The following VPS54 variants were observed in gnomAD, a reference collection of about 807,000 sequenced individuals.
VPS54 encodes the protein vacuolar protein sorting-associated protein 54.
Under a neutral mutation model 121.5 loss-of-function variants are expected in VPS54, and 45 were observed. That is an observed-to-expected ratio of 0.37 (90% CI 0.29 to 0.47). The LOEUF is 0.47. Among genes scored for constraint, VPS54 ranks in the 20% least tolerant of loss-of-function variants. The pLI is 0.99. For synonymous variants in VPS54, 371 were observed against 385.8 expected (o/e 0.96, Z 0.45); for missense variants, 1,090 against 1,131.4 (o/e 0.96, Z 0.52).
chr2:63,947,352 C>A, intron 9 of VPS54, 31 bp downstream of exon 9: 1 of 1,500,146 alleles, frequency 6.7e-7, no homozygotes, highest in African/African-American at 1.4e-5. Context: ...GGTTCCAGAC[C>A]AAAATATGTC....
chr2:63,933,699 A>G lies in VPS54; in HGVS notation c.1713T>C (p.Ser571=). Reference sequence around the variant, plus strand: ...TAATATCCACACCTCCTGGAATAGCAGATGATGATGTGTGCTCTTTGCTGG... The same window carrying G: ...TAATATCCACACCTCCTGGAATAGCGGATGATGATGTGTGCTCTTTGCTGG... ...SSSSKEHTSS[S]AIPGGVDIMV... is the part of the protein sequence containing the mutation. Residue 571 remains serine (S), a synonymous_variant, in exon 12 of 23, where the codon TCT becomes TCC. Coordinates refer to ENST00000272322, the MANE Select transcript of VPS54 (RefSeq NM_016516.3). 6.2e-7 allele frequency: 1 copy of G among 1,613,276 alleles called. No individual in the cohort carries two copies. Among genetic ancestry groups the G allele is most frequent in the East Asian group, 2.2e-5 (1 of 44,878 alleles).
chr2:63,955,075 TTA>T (rs1675431903), intron 7 of VPS54, among the ~76,000 whole-genome samples: 2 of 152,040 alleles, frequency 1.3e-5, no homozygotes, highest in Non-Finnish European at 2.9e-5. Context: ...TAAAAAATCC[TTA>T]TCTTTCAAAG....
chr2:63,976,775 A>C (rs1490637986), intron 3 of VPS54, among the ~76,000 whole-genome samples: 1 of 151,408 alleles, frequency 6.6e-6, no homozygotes, highest in Admixed American at 6.6e-5. Flanking sequence ...CTGCAGGATC[A>C]GTAGAAACAG....
intron 12 of VPS54, among the ~76,000 whole-genome samples, chr2:63,931,573 AC>A (rs1431286168): frequency 6.6e-6 from 1 of 152,244 alleles, no homozygotes; most frequent in Non-Finnish European, 1.5e-5. Flanking sequence ...CCTGGGCAAT[AC>A]CATTCAGGAC....
intron 7 of VPS54, among the ~76,000 whole-genome samples, chr2:63,953,784 T>A (rs185961396): frequency 2.6e-5 from 4 of 152,324 alleles, no homozygotes; most frequent in African/African-American, 9.6e-5. Context: ...ACTGAGGTCA[T>A]ACTGATACTT....
intron 22 of VPS54, among the ~76,000 whole-genome samples, chr2:63,895,243 G>A (rs1358245302): frequency 6.6e-6 from 1 of 152,056 alleles, no homozygotes; most frequent in Non-Finnish European, 1.5e-5. Flanking sequence ...ATCACCTGAG[G>A]TCAGGAGTTT....
Position 63,892,902 on chromosome 2 carries a change from CCAAG to C in VPS54, c.*524_*527del, listed in dbSNP as rs1463182748. On this transcript the variant is annotated 3_prime_UTR_variant, in exon 23 of 23. Coordinates refer to ENST00000272322, the MANE Select transcript of VPS54 (RefSeq NM_016516.3). ...TGAAACAAAAATTGAATTCCTAAAT[CCAAG>C]CAATCAAAAGATGTTTATTTTTTAT... 7.8e-5 allele frequency: 12 copies of C among 153,246 alleles called. No individual in the cohort carries two copies. The highest frequency in any genetic ancestry group is 2.9e-4 in the African/African-American group (12 of 41,350). 9.5% of individuals were successfully genotyped at this position (153,246 alleles called of 1,614,324 possible). A position where few individuals can be genotyped will look rare whatever the true frequency, so the allele number is the denominator to read the frequency against.
chr2:63,994,576 A>G (rs537851635), intron 1 of VPS54, among the ~76,000 whole-genome samples: 63 of 152,206 alleles, frequency 4.1e-4, no homozygotes, highest in Non-Finnish European at 8.4e-4. Flanking sequence ...TGCCTCGGAC[A>G]TGCACCTGGT....
At chr2:63,966,197 TG>T (rs1559026852) in intron 5 of VPS54, among the ~76,000 whole-genome samples, 1 of 152,170 alleles carries the variant, frequency 6.6e-6, no homozygotes, top group Non-Finnish European at 1.5e-5. Flanking sequence ...CCTTTACCAA[TG>T]GAGATGGTCA....
At chr2:64,013,033 A>G (rs890327801) in intron 1 of VPS54, among the ~76,000 whole-genome samples, 2 of 152,270 alleles carry the variant, frequency 1.3e-5, no homozygotes, top group African/African-American at 2.4e-5. Context: ...AGCAAGGATC[A>G]TTAATGGGTA....
chr2:63,942,014 A>AC (rs1227991554), intron 11 of VPS54, among the ~76,000 whole-genome samples: 1 of 148,944 alleles, frequency 6.7e-6, no homozygotes, highest in South Asian at 2.1e-4. Flanking sequence ...AGCCTGGGTA[A>AC]CAGCAAGACT....
intron 1 of VPS54, among the ~76,000 whole-genome samples, chr2:64,003,756 G>C (rs879735320): frequency 1.1e-4 from 16 of 152,064 alleles, no homozygotes; most frequent in Admixed American, 1.0e-3. Context: ...ATAGAGATTT[G>C]ATTTTCTTTC....
chr2:63,979,811 T>C (rs1450198577), intron 3 of VPS54, among the ~76,000 whole-genome samples: 2 of 152,236 alleles, frequency 1.3e-5, no homozygotes, highest in South Asian at 4.1e-4. Context: ...TATTAATTTC[T>C]ATTTTAATTA....
intron 1 of VPS54, among the ~76,000 whole-genome samples, chr2:63,987,420 T>G (rs1278524081): frequency 1.3e-5 from 2 of 152,236 alleles, no homozygotes; most frequent in Non-Finnish European, 2.9e-5. Flanking sequence ...TGTGTCTGGT[T>G]ATATGCCAAT....
intron 7 of VPS54, among the ~76,000 whole-genome samples, chr2:63,958,889 T>C (rs17562312): frequency 0.18 from 26,845 of 152,116 alleles, 3,174 homozygotes; most frequent in Non-Finnish European, 0.24. Flanking sequence ...GCTTAGTATA[T>C]GGCCCACGAA....
intron 1 of VPS54, among the ~76,000 whole-genome samples, chr2:64,018,054 T>C (rs1678791411): frequency 6.6e-6 from 1 of 152,204 alleles, no homozygotes; most frequent in Non-Finnish European, 1.5e-5. Flanking sequence ...AATCTGCAGT[T>C]TAGGTTATCG....
chr2:63,980,963 G>A (rs1377117675), intron 3 of VPS54, among the ~76,000 whole-genome samples: 1 of 152,050 alleles, frequency 6.6e-6, no homozygotes, highest in Non-Finnish European at 1.5e-5. Flanking sequence ...ATGCTATATA[G>A]TATTAATGTT....
chr2:63,949,520 A>G (rs1675140966), intron 7 of VPS54, among the ~76,000 whole-genome samples: 1 of 152,216 alleles, frequency 6.6e-6, no homozygotes, highest in Admixed American at 6.5e-5. Flanking sequence ...TCTTTTCTAT[A>G]TTATGTGTAC....
In VPS54 at chr2:63,933,787, G is replaced by A; in HGVS notation, c.1625C>T (p.Pro542Leu). The A allele has an allele frequency of 1.2e-6, 2 of 1,613,838 alleles. No homozygotes were observed. The highest frequency in any genetic ancestry group is 1.1e-5 in the South Asian group (1 of 91,078). ...VDTTSQRNASPNSEPCSSDSV... is the reference protein window; with the variant it reads ...VDTTSQRNASLNSEPCSSDSV... Reference sequence around the variant, plus strand: ...ATCACTGCTGCAGGGCTCACTATTTGGAGATGCATTTCTTTGAGAGGTAGT... The same window carrying A: ...ATCACTGCTGCAGGGCTCACTATTTAGAGATGCATTTCTTTGAGAGGTAGT... The change falls in exon 12 of 23, where the codon CCA (proline) becomes CTA (leucine). Residue 542 changes from proline (P) to leucine (L), a missense_variant. By Grantham distance (98) the Pro-to-Leu change is moderately conservative. Around this residue, in one of 2 missense-constraint regions of VPS54, gnomAD observed 801 missense variants for 757.0 expected, o/e 1.06. Transcript: ENST00000272322.
Sources: allele counts gnomAD v4.1 joint callset (sites outside exome capture counted in the v4.1 genomes callset), GRCh38; gene constraint gnomAD v4.1.1; regional missense constraint gnomAD v4.1.1; transcripts MANE v1.5; gene names NCBI Gene and HGNC (gene_info 2026-07-23, HGNC 2026-07-21).